PARD3B: variants seen among roughly 807,000 people sequenced by gnomAD.
PARD3B encodes the protein par-3 family cell polarity regulator beta, also known as partitioning defective 3 homolog B.
Under a neutral mutation model 130.2 loss-of-function variants are expected in PARD3B, and 103 were observed. That is an observed-to-expected ratio of 0.79 (90% CI 0.67 to 0.93). The LOEUF is 0.93. Ranked by LOEUF, PARD3B falls within the 40% of genes least tolerant of loss-of-function variation. The pLI, the probability that PARD3B is intolerant of heterozygous loss-of-function variation, is 0.00. For synonymous variants in PARD3B, 583 were observed against 553.2 expected (o/e 1.05, Z -0.76); for missense variants, 1,609 against 1,499.2 (o/e 1.07, Z -1.21).
At chr2:204,721,413 G>C (rs933701216) in intron 2 of PARD3B, among the ~76,000 whole-genome samples, 1 of 152,086 alleles carries the variant, frequency 6.6e-6, no homozygotes, top group African/African-American at 2.4e-5. Context: ...AGGCTGGAGG[G>C]GCTCTTTTAA....
intron 19 of PARD3B, among the ~76,000 whole-genome samples, chr2:205,433,075 T>C (rs1360169127): frequency 6.6e-6 from 1 of 152,208 alleles, no homozygotes; most frequent in African/African-American, 2.4e-5. Flanking sequence ...TTCCCAGCAA[T>C]TGTATTCTGT....
In PARD3B at chr2:204,545,970, C is replaced by A; in HGVS notation, c.-30C>A. ...CCCGCGGGGTCAGACACCTGTTCGG[C>A]CCGGCCCGGCGTGGTCGCCGGGGGC... On this transcript the variant is annotated 5_prime_UTR_variant, in exon 1 of 23. Coordinates refer to ENST00000406610, the MANE Select transcript of PARD3B (RefSeq NM_001302769.2). 6.5e-7 allele frequency: 1 copy of A among 1,537,808 alleles called. No individual in the cohort carries two copies.
intron 2 of PARD3B, among the ~76,000 whole-genome samples, chr2:204,760,903 C>A (rs975158989): frequency 4.6e-5 from 7 of 152,108 alleles, no homozygotes; most frequent in African/African-American, 9.7e-5. Context: ...TACTTCTGTT[C>A]AAGGATATTT....
At chr2:204,968,214 T>C (rs1344373179) in intron 3 of PARD3B, among the ~76,000 whole-genome samples, 1 of 152,208 alleles carries the variant, frequency 6.6e-6, no homozygotes, top group African/African-American at 2.4e-5. Context: ...TCAACAAATA[T>C]TAGGAATCAA....
At chr2:205,054,436 ATTTTTTTTTTT>A (rs769918623) in intron 4 of PARD3B, among the ~76,000 whole-genome samples, 8 of 28,436 alleles carry the variant, frequency 2.8e-4, no homozygotes, top group Non-Finnish European at 3.4e-4. Context: ...ATATATATAT[ATTTTTTTTTTT>A]TTTTTTTTTT....
intron 22 of PARD3B, among the ~76,000 whole-genome samples, chr2:205,569,405 A>C (rs1270635889): frequency 4.6e-5 from 7 of 152,198 alleles, no homozygotes; most frequent in Admixed American, 4.6e-4. Flanking sequence ...TTTTATATGC[A>C]AAAGGTTATC....
rs188394120 is a variant in PARD3B, at chr2:205,447,136, C to T, written c.3044+6464C>T. Among the ~76,000 whole-genome samples, 3 of 152,202 alleles carry T rather than the reference C, an allele frequency of 2.0e-5. No homozygotes were observed. In the South Asian group the frequency reaches 6.2e-4, roughly 32 times the overall value. On this transcript the variant is annotated intron_variant, in intron 20 of 22. Coordinates refer to ENST00000406610, the MANE Select transcript of PARD3B (RefSeq NM_001302769.2). The stretch of plus-strand genomic sequence containing the variant: ...TAATATATTACATAGAAGACATATA[C>T]CAAATAGAGAAATTAATTTTAAAAT...
chr2:205,454,476 C>T (rs2048205285), intron 20 of PARD3B, among the ~76,000 whole-genome samples: 1 of 152,116 alleles, frequency 6.6e-6, no homozygotes, highest in Non-Finnish European at 1.5e-5. Flanking sequence ...GAAATATCCT[C>T]TCTTCTGGAA....
Position 205,351,784 on chromosome 2 carries a change from A to G in PARD3B, c.2631-49229A>G, listed in dbSNP as rs568778843. Among the ~76,000 whole-genome samples, 21 of 139,214 alleles carry G rather than the reference A, an allele frequency of 1.5e-4. No individual in the cohort carries two copies. Among genetic ancestry groups the G allele is most frequent in the Middle Eastern group, 3.7e-3 (1 of 272 alleles). 91.3% of individuals were successfully genotyped at this position (139,214 alleles called of 152,430 possible). On this transcript the variant is annotated intron_variant, in intron 18 of 22. Transcript: ENST00000406610. This position sits in a 1 kb window ranked among gnomAD's most constrained non-coding sequence, Gnocchi z 4.2. The stretch of plus-strand genomic sequence containing the variant: ...TCACCAGATTATTAAAGTAAGTGTA[A>G]TGTAGGGCAGAAACAAGAAAAAAAA...
chr2:204,902,574 C>G (rs2046902561), intron 2 of PARD3B, among the ~76,000 whole-genome samples: 1 of 147,426 alleles, frequency 6.8e-6, no homozygotes, highest in Admixed American at 7.0e-5. Context: ...GAGGCTGAGG[C>G]AGGAGAATGG....
At chr2:204,703,887 T>A (rs2038012447) in intron 2 of PARD3B, among the ~76,000 whole-genome samples, 2 of 152,128 alleles carry the variant, frequency 1.3e-5, no homozygotes, top group Admixed American at 6.6e-5. Context: ...AATTTTTTTT[T>A]AAAGTTTTCT....
chr2:204,806,751 A>G lies in PARD3B; in HGVS notation c.222+120469A>G, dbSNP rs2042781243. On this transcript the variant is annotated intron_variant, in intron 2 of 22. Coordinates refer to ENST00000406610, the MANE Select transcript of PARD3B (RefSeq NM_001302769.2). ...ATTTGCAAACTATTTGTCAGACAGGATTAAGAACCAGAATGTATAAGGAGC... is the reference window on the plus strand; with the variant it reads ...ATTTGCAAACTATTTGTCAGACAGGGTTAAGAACCAGAATGTATAAGGAGC... 2.6e-5 allele frequency among the ~76,000 whole-genome samples: 4 copies of G among 152,188 alleles called. No individual in the cohort carries two copies. The South Asian group carries it at 8.3e-4, about 31-fold the overall frequency.
chr2:204,563,730 T>C (rs2031491874), intron 1 of PARD3B, among the ~76,000 whole-genome samples: 1 of 152,196 alleles, frequency 6.6e-6, no homozygotes, highest in Admixed American at 6.5e-5. Flanking sequence ...TTGAGACTCA[T>C]GTATGTCCTA....
At position 205,290,411 on chromosome 2, in the gene PARD3B, T is replaced by C. The variant is rs539776381; in HGVS notation, c.2186-10119T>C. Among the ~76,000 whole-genome samples the C allele has an allele frequency of 2.6e-5, 4 of 152,304 alleles. No individual in the cohort carries two copies. In the South Asian group the frequency reaches 8.3e-4, roughly 32 times the overall value. ...TTTGTCAGACCAGGAAAGCCTCATA[T>C]AGCATCTGAGTAGCCTTGCCAAGTC... On this transcript the variant is annotated intron_variant, in intron 16 of 22. Coordinates refer to ENST00000406610, the MANE Select transcript of PARD3B (RefSeq NM_001302769.2).
chr2:205,466,294 C>T (rs904216768), intron 20 of PARD3B, among the ~76,000 whole-genome samples: 17 of 152,170 alleles, frequency 1.1e-4, no homozygotes, highest in Non-Finnish European at 2.4e-4. Context: ...TTCCTCATAT[C>T]GGTGAGATTT....
chr2:204,819,781 GT>G (rs1455616537), intron 2 of PARD3B, among the ~76,000 whole-genome samples: 1 of 152,142 alleles, frequency 6.6e-6, no homozygotes, highest in Non-Finnish European at 1.5e-5. Context: ...TATGGAGAAG[GT>G]TGAGTAGTCT....
At chr2:205,381,241 A>T (rs913426736) in intron 18 of PARD3B, among the ~76,000 whole-genome samples, 12 of 124,588 alleles carry the variant, frequency 9.6e-5, no homozygotes, top group Admixed American at 2.7e-4. Flanking sequence ...TATATATAAA[A>T]AGAATATATG....
intron 2 of PARD3B, among the ~76,000 whole-genome samples, chr2:204,722,331 A>G (rs569649891): frequency 1.3e-4 from 20 of 152,320 alleles, no homozygotes; most frequent in Admixed American, 2.0e-4. Context: ...ATGTCTAACA[A>G]TGTCTTTCTT....
At chr2:205,581,335 ATATACGTGTGTGTG>A (rs1282632722) in intron 22 of PARD3B, among the ~76,000 whole-genome samples, 8 of 147,354 alleles carry the variant, frequency 5.4e-5, no homozygotes, top group African/African-American at 2.0e-4. Context: ...TATCCCTGTC[ATATACGTGTGTGTG>A]TGTACGTGTG....
Sources: gnomAD v4.1 joint callset for allele counts (sites outside exome capture counted in the v4.1 genomes callset) on GRCh38, gnomAD v4.1.1 for gene constraint, Gnocchi (gnomAD v3.1) non-coding constraint, MANE v1.5 for transcripts, NCBI Gene and HGNC (gene_info 2026-07-23, HGNC 2026-07-21) for gene names.